ARMC9: variants seen among roughly 807,000 people sequenced by gnomAD.
ARMC9 encodes lisH domain-containing protein ARMC9.
A neutral mutation model predicts 107.0 loss-of-function variants in ARMC9; 94 were observed. The observed-to-expected ratio is 0.88, with a 90% CI of 0.74 to 1.04. ARMC9 has a LOEUF of 1.04. Ranked by LOEUF, ARMC9 falls within the 50% of genes least tolerant of loss-of-function variation. ARMC9 has a pLI of 0.00. For missense variants in ARMC9, 942 were observed against 1,030.1 expected, an observed-to-expected ratio of 0.91 and a Z score of 1.17; for synonymous variants, 380 against 396.9, an observed-to-expected ratio of 0.96 and a Z score of 0.51.
At chr2:231,292,903 C>CT (rs1279317374) in intron 18 of ARMC9, among the ~76,000 whole-genome samples, 1 of 152,188 alleles carries the variant, frequency 6.6e-6, no homozygotes, top group Non-Finnish European at 1.5e-5. Flanking sequence ...ATGTTTAAAT[C>CT]TTTAAGACTG....
intron 14 of ARMC9, among the ~76,000 whole-genome samples, chr2:231,275,258 C>T (rs112824973): frequency 4.6e-5 from 7 of 152,286 alleles, no homozygotes; most frequent in African/African-American, 1.4e-4. Flanking sequence ...ACAGGATGAA[C>T]GGATAACTGG....
At chr2:231,338,072 C>T (rs2044251599) in intron 20 of ARMC9, among the ~76,000 whole-genome samples, 1 of 152,142 alleles carries the variant, frequency 6.6e-6, no homozygotes, top group African/African-American at 2.4e-5. Context: ...CGTGGCCCTG[C>T]CTGCCAGAAG....
rs56032700 is a variant in ARMC9 at position 231,302,437 on chromosome 2, G to GTT, written c.1773+6208_1773+6209dup. ...TGAAAAAGTGTAGCATTGTGGGTTT[G>GTT]TTTTTTTTTTTTTTTTTTTTTTTTT... is the stretch of plus-strand genomic sequence containing the variant. On this transcript the variant is annotated intron_variant, in intron 19 of 24. Transcript: ENST00000611582. 3.1e-3 allele frequency among the ~76,000 whole-genome samples: 182 copies of GTT among 58,100 alleles called. 3 individuals are homozygous for GTT. Among genetic ancestry groups the GTT allele is most frequent in the Middle Eastern group, 0.016 (1 of 62 alleles). The allele number at this position is 58,100 out of a possible 152,430, so 38.1% of individuals were successfully genotyped here.
chr2:231,307,446 C>T (rs1464427756), intron 19 of ARMC9, among the ~76,000 whole-genome samples: 1 of 152,154 alleles, frequency 6.6e-6, no homozygotes, highest in African/African-American at 2.4e-5. Flanking sequence ...GGAAAGCACA[C>T]TTGGGGGCAA....
intron 23 of ARMC9, among the ~76,000 whole-genome samples, chr2:231,366,984 G>A (rs1396007811): frequency 1.3e-5 from 2 of 150,684 alleles, no homozygotes; most frequent in Admixed American, 1.3e-4. Flanking sequence ...CCGAGTAGCT[G>A]GGACTACAGG....
chr2:231,268,577 G>A (rs1477911044), intron 12 of ARMC9, among the ~76,000 whole-genome samples: 2 of 151,924 alleles, frequency 1.3e-5, no homozygotes, highest in African/African-American at 2.4e-5. Flanking sequence ...TTGTTCTCTC[G>A]GTTGGTGGAA....
intron 19 of ARMC9, among the ~76,000 whole-genome samples, chr2:231,328,804 C>A (rs376325556): frequency 3.4e-5 from 4 of 118,662 alleles, no homozygotes; most frequent in Admixed American, 1.7e-4. Flanking sequence ...GTTCAATTTT[C>A]TTTTCTTTTC....
chr2:231,250,252 TCTGA>T (rs1262354047), intron 9 of ARMC9, among the ~76,000 whole-genome samples: 2 of 152,160 alleles, frequency 1.3e-5, no homozygotes, highest in Non-Finnish European at 2.9e-5. Flanking sequence ...GATTGGTGAT[TCTGA>T]CTGTGTTGGA....
At chr2:231,363,883 CAAA>C (rs1176736980) in intron 23 of ARMC9, among the ~76,000 whole-genome samples, 3 of 16,268 alleles carry the variant, frequency 1.8e-4, no homozygotes, top group African/African-American at 1.8e-4. Flanking sequence ...GACTCCGTCT[CAAA>C]AAAAAAAAAA....
intron 4 of ARMC9, chr2:231,215,243 T>C (rs1559298390): frequency 7.1e-6 from 3 of 424,192 alleles, no homozygotes; most frequent in Non-Finnish European, 1.2e-5. Context: ...CCTCAAGTTT[T>C]TGAAACCTCA....
At chr2:231,228,403 G>GCAGAGTGGTGGT (rs2034868543) in intron 7 of ARMC9, among the ~76,000 whole-genome samples, 1 of 152,226 alleles carries the variant, frequency 6.6e-6, no homozygotes, top group Non-Finnish European at 1.5e-5. Flanking sequence ...GCACTCACAC[G>GCAGAGTGGTGGT]CAGAGTGGTG....
At chr2:231,207,242 A>C (rs185307119) in intron 2 of ARMC9, among the ~76,000 whole-genome samples, 161 of 152,310 alleles carry the variant, frequency 1.1e-3, no homozygotes, top group African/African-American at 3.7e-3. Context: ...TCTTGGCTTC[A>C]AGCAATCCTC....
At position 231,348,316 on chromosome 2, in the gene ARMC9, C is replaced by A. The variant is rs1200332919; in HGVS notation, c.1994+3226C>A. ...GCCATGAGCCGAGGAATGCAGACAC[C>A]CTCTAGAAACTGGAAAAGGCAAGGA... On this transcript the variant is annotated intron_variant, in intron 21 of 24. Transcript: ENST00000611582. Among the ~76,000 whole-genome samples, 2 of 152,150 alleles carry A rather than the reference C, an allele frequency of 1.3e-5. 1 individual carries two copies. The highest frequency in any genetic ancestry group is 2.9e-5 in the Non-Finnish European group (2 of 68,036).
In ARMC9 at chr2:231,360,928, T is replaced by A; in HGVS notation, c.2261+45T>A. 6.8e-7 allele frequency: 1 copy of A among 1,472,072 alleles called. No individual in the cohort carries two copies. The highest frequency in any genetic ancestry group is 8.9e-7 in the Non-Finnish European group (1 of 1,117,416). The allele number at this position is 1,472,072 out of a possible 1,614,324, so 91.2% of individuals were successfully genotyped here. On this transcript the variant is annotated intron_variant, in intron 23 of 24. Transcript: ENST00000611582. This position sits in a 1 kb window ranked among gnomAD's most constrained non-coding sequence, Gnocchi z 4.7. ...GCCTCGAACCTGACTCTCGGAGCTC[T>A]GGGAGTGGGCGCCCCACGCCGGATG...
intron 19 of ARMC9, among the ~76,000 whole-genome samples, chr2:231,316,675 AAG>A (rs1491075747): frequency 6.6e-6 from 1 of 150,478 alleles, no homozygotes. Context: ...AAAAAAAAAA[AAG>A]AAAGAAAAAA....
At chr2:231,365,340 G>A (rs61412468) in intron 23 of ARMC9, among the ~76,000 whole-genome samples, 38 of 152,276 alleles carry the variant, frequency 2.5e-4, no homozygotes, top group Middle Eastern at 3.4e-3. Flanking sequence ...TGATCTCAGC[G>A]TATCAATAGG....
At chr2:231,311,981 G>A (rs547179144) in intron 19 of ARMC9, among the ~76,000 whole-genome samples, 14 of 152,052 alleles carry the variant, frequency 9.2e-5, no homozygotes, top group African/African-American at 3.1e-4. Flanking sequence ...TATATAAATG[G>A]AGTTATTCAG....
At chr2:231,220,108 G>A (rs768849624) in intron 5 of ARMC9, among the ~76,000 whole-genome samples, 1 of 152,114 alleles carries the variant, frequency 6.6e-6, no homozygotes, top group Non-Finnish European at 1.5e-5. Context: ...TATTCTGGGT[G>A]ATCTCTTCAC....
At chr2:231,341,444 C>G (rs911053034) in intron 20 of ARMC9, among the ~76,000 whole-genome samples, 1 of 152,178 alleles carries the variant, frequency 6.6e-6, no homozygotes, top group African/African-American at 2.4e-5. Context: ...AAACTGGGTC[C>G]TATGGCCCCT....
Sources: gnomAD v4.1 joint callset for allele counts (sites outside exome capture counted in the v4.1 genomes callset) on GRCh38, gnomAD v4.1.1 for gene constraint, Gnocchi (gnomAD v3.1) non-coding constraint, MANE v1.5 for transcripts, NCBI Gene and HGNC (gene_info 2026-07-23, HGNC 2026-07-21) for gene names.